Variants in POTEF observed in about 807,000 individuals in gnomAD.
The protein encoded by POTEF is POTE ankyrin domain family member F.
In POTEF, 20 loss-of-function variants were observed where a neutral mutation model predicts 83.2. The ratio of observed to expected loss-of-function variants is 0.24; its 90% confidence interval spans 0.17 to 0.35. The LOEUF (loss-of-function observed/expected upper bound fraction) is 0.35. POTEF is among the 10% of genes least tolerant of loss of function. The pLI, the probability that POTEF is intolerant of heterozygous loss-of-function variation, is 1.00. For synonymous variants in POTEF, 196 were observed against 446.4 expected, an observed-to-expected ratio of 0.44 and a Z score of 7.07; for missense variants, 550 against 1,203.2, an observed-to-expected ratio of 0.46 and a Z score of 8.03.
intron 7 of POTEF, among the ~76,000 whole-genome samples, chr2:130,108,362 G>GTCC (rs1284426406): frequency 3.3e-5 from 5 of 152,004 alleles, no homozygotes; most frequent in African/African-American, 1.2e-4. Flanking sequence ...CTCTGCATAA[G>GTCC]TCCTAGCTCC....
At chr2:130,088,821 C>T (rs1197282109) in intron 12 of POTEF, among the ~76,000 whole-genome samples, 3 of 149,770 alleles carry the variant, frequency 2.0e-5, no homozygotes, top group Non-Finnish European at 3.0e-5. Context: ...CTCCTGACCT[C>T]GTGATTCCCT....
Position 130,074,947 on chromosome 2 carries a change from A to G in POTEF, c.2525T>C (p.Leu842Pro), listed in dbSNP as rs756209291. 2.5e-6 allele frequency: 4 copies of G among 1,608,018 alleles called. No individual in the cohort carries two copies. In the Admixed American group the frequency reaches 5.1e-5, roughly 20 times the overall value. ...MYVAIQAVLSLYTSGRTTGIV... is the reference protein window; with the variant it reads ...MYVAIQAVLSPYTSGRTTGIV... ...GCCAGTAGTACGGCCAGAGGTGTAC[A>G]GGGACAGCACAGCCTGGATGGCCAC... The change falls in exon 17 of 17, where the codon CTG becomes CCG. Residue 842 changes from leucine to proline, a missense_variant. Coordinates refer to ENST00000409914, the MANE Select transcript of POTEF (RefSeq NM_001099771.2).
chr2:130,105,110 C>G (rs1487102273), intron 8 of POTEF, among the ~76,000 whole-genome samples: 1 of 144,212 alleles, frequency 6.9e-6, no homozygotes, highest in Non-Finnish European at 1.5e-5. Context: ...GTCCCCCAAG[C>G]CTTTCTCATT....
Position 130,100,766 on chromosome 2 carries a change from T to G in POTEF, c.1198-46A>C, listed in dbSNP as rs756831473. The G allele has an allele frequency of 1.2e-4, 200 of 1,604,166 alleles. 1 individual carries two copies. The highest frequency in any genetic ancestry group is 1.6e-4 in the Non-Finnish European group (193 of 1,176,588). ...GGTTAATTTGCTTGTTGTGTTTCTG[T>G]GATGTGTCCTCTTTTGGAGCGCATG... On this transcript the variant is annotated intron_variant, in intron 9 of 16. Coordinates refer to ENST00000409914, the MANE Select transcript of POTEF (RefSeq NM_001099771.2).
intron 8 of POTEF, among the ~76,000 whole-genome samples, chr2:130,102,570 AG>A (rs1461412372): frequency 2.0e-5 from 3 of 148,642 alleles, no homozygotes; most frequent in African/African-American, 5.1e-5. Context: ...CTCTAAGGAT[AG>A]TAACAAGCAG....
intron 1 of POTEF, among the ~76,000 whole-genome samples, chr2:130,128,362 G>A (rs535403444): frequency 3.4e-4 from 52 of 152,074 alleles, no homozygotes; most frequent in Admixed American, 2.5e-3. Flanking sequence ...CTGGAAAAGA[G>A]AAGAGTCACC....
Position 130,074,973 on chromosome 2 carries a change from G to A in POTEF, c.2499C>T (p.Tyr833=), listed in dbSNP as rs751398644. The A allele has an allele frequency of 2.4e-5, 39 of 1,612,326 alleles. 1 individual carries two copies. Among genetic ancestry groups the A allele is most frequent in the Middle Eastern group, 1.7e-4 (1 of 6,048 alleles). Residue 833 remains tyrosine, a synonymous_variant, in exon 17 of 17, where the codon TAC becomes TAT. Transcript: ENST00000409914. ...MFETFNTPAM[Y]VAIQAVLSLY... The stretch of plus-strand genomic sequence containing the variant: ...GGGACAGCACAGCCTGGATGGCCAC[G>A]TACATGGCTGGGGTGTTGAAGGTCT...
chr2:130,125,560 T>C (rs1298562904), intron 2 of POTEF, among the ~76,000 whole-genome samples: 1 of 150,104 alleles, frequency 6.7e-6, no homozygotes, highest in East Asian at 2.0e-4. Context: ...ACACCTAAAG[T>C]AGTAATACTA....
At chr2:130,128,945 A>G (rs1454399282) in intron 1 of POTEF, 127 bp downstream of exon 1, 25 of 102,046 alleles carry the variant, frequency 2.4e-4, no homozygotes, top group African/African-American at 9.9e-4. Context: ...CACCGCCAGC[A>G]ATGCAACCTC....
chr2:130,117,607 G>A lies in POTEF; in HGVS notation c.522-2279C>T, dbSNP rs539729595. Among the ~76,000 whole-genome samples, 233 of 151,778 alleles carry A rather than the reference G, an allele frequency of 1.5e-3. 1 individual carries two copies. The highest frequency in any genetic ancestry group is 2.4e-3 in the Non-Finnish European group (160 of 68,008). On this transcript the variant is annotated intron_variant, in intron 3 of 16. Coordinates refer to ENST00000409914, the MANE Select transcript of POTEF (RefSeq NM_001099771.2). ...ATAGCAAAGTACATCTTTGCATGTCGACATATCTCTGTATCTACTGACAAC... is the reference window on the plus strand; with the variant it reads ...ATAGCAAAGTACATCTTTGCATGTCAACATATCTCTGTATCTACTGACAAC...
chr2:130,076,928 T>C (rs1457026154), intron 16 of POTEF, among the ~76,000 whole-genome samples, 153 bp downstream of exon 16: 1 of 148,456 alleles, frequency 6.7e-6, no homozygotes, highest in African/African-American at 2.6e-5. Context: ...GAACATGGCT[T>C]TATCCTATAC....
chr2:130,074,988 G>A lies in POTEF; in HGVS notation c.2484C>T (p.Asn828=), dbSNP rs753946039. 1 of 1,613,062 alleles carries A rather than the reference G, an allele frequency of 6.2e-7. No homozygotes were observed. Among genetic ancestry groups the A allele is most frequent in the Non-Finnish European group, 8.5e-7 (1 of 1,179,826 alleles). The change falls in exon 17 of 17, where the codon AAC becomes AAT. Residue 828 remains asparagine, a synonymous_variant. Coordinates refer to ENST00000409914, the MANE Select transcript of POTEF (RefSeq NM_001099771.2). ...KMTQIMFETF[N]TPAMYVAIQA... ...GGATGGCCACGTACATGGCTGGGGT[G>A]TTGAAGGTCTCAAACATGATCTGGG...
rs1481451450 is a variant in POTEF at position 130,129,203 on chromosome 2, C to T, written c.-381G>A. ...CGCTCCCTTCTACTCGTCTTCCTGC[C>T]TGGCAGGAGAAGCTCCCGCTACTGG... On this transcript the variant is annotated 5_prime_UTR_variant, in exon 1 of 17. Transcript: ENST00000409914. The T allele has an allele frequency of 7.2e-6, 1 of 138,422 alleles. No homozygotes were observed. The highest frequency in any genetic ancestry group is 2.1e-4 in the East Asian group (1 of 4,704). 8.6% of individuals were successfully genotyped at this position (138,422 alleles called of 1,614,324 possible).
rs1471470832 is a variant in POTEF at position 130,117,118 on chromosome 2, T to G, written c.522-1790A>C. Among the ~76,000 whole-genome samples the G allele has an allele frequency of 1.2e-4, 18 of 151,802 alleles. No individual in the cohort carries two copies. In the South Asian group the frequency reaches 3.7e-3, roughly 32 times the overall value. On this transcript the variant is annotated intron_variant, in intron 3 of 16. Transcript: ENST00000409914. ...ATACATTTGCAATAGTAATAATCAC[T>G]TACATTTGCTATTTTAATTTTCATA...
intron 15 of POTEF, among the ~76,000 whole-genome samples, chr2:130,085,115 TATAAC>T (rs1422156897): frequency 1.8e-5 from 2 of 111,416 alleles, no homozygotes; most frequent in African/African-American, 4.2e-5. Context: ...TAAGTATACA[TATAAC>T]ATATCTATAC....
intron 11 of POTEF, among the ~76,000 whole-genome samples, chr2:130,096,633 AT>A (rs1336408077): frequency 4.6e-5 from 7 of 152,278 alleles, no homozygotes; most frequent in African/African-American, 1.7e-4. Flanking sequence ...AATCACTAGC[AT>A]ATACACAATA....
intron 8 of POTEF, among the ~76,000 whole-genome samples, chr2:130,103,321 G>C (rs1272135329): frequency 6.0e-5 from 9 of 150,464 alleles, no homozygotes; most frequent in African/African-American, 2.2e-4. Flanking sequence ...TGATGGTCCT[G>C]ATCTTTTGAC....
At chr2:130,104,832 T>C (rs532134435) in intron 8 of POTEF, among the ~76,000 whole-genome samples, 23 of 151,514 alleles carry the variant, frequency 1.5e-4, no homozygotes, top group African/African-American at 5.4e-4. Flanking sequence ...ATCATCAACT[T>C]TCAGATTCTT....
At chr2:130,117,702 C>G (rs1160146674) in intron 3 of POTEF, among the ~76,000 whole-genome samples, 1 of 151,700 alleles carries the variant, frequency 6.6e-6, no homozygotes, top group Non-Finnish European at 1.5e-5. Flanking sequence ...TATATGGGTT[C>G]TTCTAAATAC....
Sources: gnomAD v4.1 joint callset for allele counts (sites outside exome capture counted in the v4.1 genomes callset) on GRCh38, gnomAD v4.1.1 for gene constraint, MANE v1.5 for transcripts, NCBI Gene and HGNC (gene_info 2026-07-23, HGNC 2026-07-21) for gene names.